RTKN: variants seen among roughly 807,000 people sequenced by gnomAD.
RTKN encodes the protein rhotekin.
RTKN carries 49 observed loss-of-function variants against 63.5 expected under a neutral mutation model. The observed-to-expected ratio is 0.77, with a 90% CI of 0.61 to 0.98. The LOEUF (loss-of-function observed/expected upper bound fraction) is 0.98. Among genes scored for constraint, RTKN ranks in the 50% least tolerant of loss-of-function variants. RTKN has a pLI of 0.00. For missense variants in RTKN, 685 were observed against 740.8 expected, an observed-to-expected ratio of 0.92 and a Z score of 0.87; for synonymous variants, 295 against 290.4, an observed-to-expected ratio of 1.02 and a Z score of -0.16.
chr2:74,429,971 C>A lies in RTKN; in HGVS notation c.612G>T (p.Gly204=). The change falls in exon 6 of 12, where the codon GGG becomes GGT. Residue 204 remains glycine (G), a synonymous_variant. Coordinates refer to ENST00000272430, the MANE Select transcript of RTKN (RefSeq NM_001015055.2). ...ELYGACVEEE[G]ALTGGPKRLA... ...GCCTCTTGGGGCCGCCAGTCAGGGC[C>A]CCCTCTTCTTCCACACAGGCCCCAT... 2 of 1,614,236 alleles carry A rather than the reference C, an allele frequency of 1.2e-6. No homozygotes were observed. Among genetic ancestry groups the A allele is most frequent in the Non-Finnish European group, 1.7e-6 (2 of 1,180,028 alleles).
Position 74,426,583 on chromosome 2 carries a change from C to A in RTKN, c.1361-9G>T. 6.6e-7 allele frequency: 1 copy of A among 1,522,720 alleles called. No individual in the cohort carries two copies. The highest frequency in any genetic ancestry group is 1.3e-5 in the South Asian group (1 of 77,020). The allele number at this position is 1,522,720 out of a possible 1,614,324, so 94.3% of individuals were successfully genotyped here. A position where few individuals can be genotyped will look rare whatever the true frequency, so the allele number is the denominator to read the frequency against. On this transcript the variant is annotated splice_polypyrimidine_tract_variant and intron_variant, in intron 11 of 11. Coordinates refer to ENST00000272430, the MANE Select transcript of RTKN (RefSeq NM_001015055.2). The stretch of plus-strand genomic sequence containing the variant: ...ATCCAGCGGCTCAATAGCTGTGGCA[C>A]CAGGAAGGGGTTGGGGGAGGGTTGG...
intron 1 of RTKN, among the ~76,000 whole-genome samples, chr2:74,439,123 A>G (rs1169174355): frequency 6.6e-6 from 1 of 152,192 alleles, no homozygotes; most frequent in East Asian, 1.9e-4. Context: ...AAGAATTGAA[A>G]AAAACAAATA....
chr2:74,437,667 G>C (rs1050876874), intron 1 of RTKN, among the ~76,000 whole-genome samples: 11 of 152,162 alleles, frequency 7.2e-5, no homozygotes, highest in Admixed American at 6.5e-4. Flanking sequence ...TTAATGTTTT[G>C]TTTTATTTTA....
intron 5 of RTKN, 35 bp downstream of exon 5, chr2:74,430,217 G>A (rs1158616460): frequency 1.9e-6 from 3 of 1,582,864 alleles, no homozygotes; most frequent in East Asian, 2.2e-5. Context: ...GGAGCAGAGT[G>A]GAGGAAGGAG....
At chr2:74,434,787 G>A (rs1012520716) in intron 1 of RTKN, among the ~76,000 whole-genome samples, 1 of 152,080 alleles carries the variant, frequency 6.6e-6, no homozygotes, top group African/African-American at 2.4e-5. Flanking sequence ...GATCTTTGGA[G>A]TTTAAAAAAA....
rs1196664925 is a variant in RTKN at position 74,428,890 on chromosome 2, G to A, written c.808C>T (p.Gln270Ter). 6.2e-7 allele frequency: 1 copy of A among 1,614,164 alleles called. No individual in the cohort carries two copies. The highest frequency in any genetic ancestry group is 1.3e-5 in the African/African-American group (1 of 75,012). Reference sequence around the variant, plus strand: ...AGGTCATGTGTGCGGAATCCATCTTGCACTGCTGCCAGGGTGAGTGTGGTG... The same window carrying A: ...AGGTCATGTGTGCGGAATCCATCTTACACTGCTGCCAGGGTGAGTGTGGTG... ...AHTTLTLAAV[Q>*]DGFRTHDLTL... Residue 270 changes from glutamine to a stop codon, truncating the protein, a stop_gained, in exon 7 of 12, where the codon CAA (glutamine) becomes TAA (stop). Transcript: ENST00000272430. LOFTEE classifies it high-confidence loss of function.
At chr2:74,428,185 G>T in intron 9 of RTKN, 83 bp downstream of exon 9, 2 of 1,586,222 alleles carry the variant, frequency 1.3e-6, no homozygotes, top group Non-Finnish European at 1.7e-6. Flanking sequence ...TCTCTCTGAG[G>T]TATGTGCCCA....
intron 7 of RTKN, 53 bp downstream of exon 7, chr2:74,428,795 G>A: frequency 6.2e-7 from 1 of 1,602,048 alleles, no homozygotes; most frequent in Non-Finnish European, 8.5e-7. Context: ...CCATCCCACA[G>A]CCCCTCTTCT....
In RTKN at chr2:74,432,471, G is replaced by C; in HGVS notation, c.307C>G (p.Arg103Gly). 1 of 1,608,854 alleles carries C rather than the reference G, an allele frequency of 6.2e-7. No homozygotes were observed. Among genetic ancestry groups the C allele is most frequent in the Non-Finnish European group, 8.5e-7 (1 of 1,179,900 alleles). ...CCTCGTCTCCCCCTTGCTCACCGCCGGCTTGTCTTCCCCAGCACCTGCGCC... is the reference window on the plus strand; with the variant it reads ...CCTCGTCTCCCCCTTGCTCACCGCCCGCTTGTCTTCCCCAGCACCTGCGCC... ...KEAQVLGKTS[R>G]RPSDSGPPAE... is the part of the protein sequence containing the mutation. The change falls in exon 2 of 12, where the codon CGG becomes GGG. Residue 103 changes from arginine (R) to glycine (G), a missense_variant. Transcript: ENST00000272430.
chr2:74,430,893 A>T, intron 2 of RTKN: 1 of 573,992 alleles, frequency 1.7e-6, no homozygotes, highest in Non-Finnish European at 3.1e-6. Context: ...AGCCACATTA[A>T]CTCACACATA....
At chr2:74,432,395 A>G in intron 2 of RTKN, 72 bp downstream of exon 2, 1 of 1,387,866 alleles carries the variant, frequency 7.2e-7, no homozygotes, top group Non-Finnish European at 1.0e-6. Flanking sequence ...CATGCCACAC[A>G]CGCACATGCT....
chr2:74,427,921 G>C, intron 9 of RTKN: 1 of 486,888 alleles, frequency 2.1e-6, no homozygotes. Context: ...AAGGGATAGG[G>C]AGCAAAGAAG....
rs371923829 is a variant in RTKN, at chr2:74,430,668, G to A, written c.321C>T (p.Asp107=). 3 of 1,612,454 alleles carry A rather than the reference G, an allele frequency of 1.9e-6. No individual in the cohort carries two copies. In the East Asian group the frequency reaches 6.7e-5, roughly 36 times the overall value. The change falls in exon 3 of 12, where the codon GAC becomes GAT. Residue 107 remains aspartate, a synonymous_variant. Coordinates refer to ENST00000272430, the MANE Select transcript of RTKN (RefSeq NM_001015055.2). ...GGGAGCGCTCAGCGGGCGGGCCACT[G>A]TCAGAAGGCCTGTGGATAAATCACA... is the stretch of plus-strand genomic sequence containing the variant. The part of the protein sequence containing the change: ...VLGKTSRRPS[D]SGPPAERSPC...
In RTKN at chr2:74,426,572, T is replaced by C. The variant is rs757566412; in HGVS notation, c.1363A>G (p.Ile455Val). 1.6e-5 allele frequency: 24 copies of C among 1,525,074 alleles called. No individual in the cohort carries two copies. The Admixed American group carries it at 3.9e-4, about 25-fold the overall frequency. The allele number at this position is 1,525,074 out of a possible 1,614,324, so 94.5% of individuals were successfully genotyped here. ...GCTGCGATGTCATCCAGCGGCTCAA[T>C]AGCTGTGGCACCAGGAAGGGGTTGG... The part of the protein sequence containing the change: ...KQGSLYHEMA[I>V]EPLDDIAAVT... Residue 455 changes from isoleucine to valine, a missense_variant and splice_region_variant, in exon 12 of 12, where the codon ATT (isoleucine) becomes GTT (valine). Coordinates refer to ENST00000272430, the MANE Select transcript of RTKN (RefSeq NM_001015055.2).
rs1297877448 is a variant in RTKN at position 74,430,529 on chromosome 2, G to A, written c.374-11C>T. On this transcript the variant is annotated splice_polypyrimidine_tract_variant and intron_variant, in intron 3 of 11. Transcript: ENST00000272430. Reference sequence around the variant, plus strand: ...GTGGAATCCGGAGGTCTAAGGGGCAGAGGGGTAAGAATAGATGTTGAGATG... The same window carrying A: ...GTGGAATCCGGAGGTCTAAGGGGCAAAGGGGTAAGAATAGATGTTGAGATG... 1 of 1,614,052 alleles carries A rather than the reference G, an allele frequency of 6.2e-7. No individual in the cohort carries two copies. The highest frequency in any genetic ancestry group is 1.3e-5 in the African/African-American group (1 of 74,936).
chr2:74,427,432 A>G lies in RTKN; in HGVS notation c.1247T>C (p.Phe416Ser). Residue 416 changes from phenylalanine (F) to serine (S), a missense_variant, in exon 10 of 12, where the codon TTT becomes TCT. Transcript: ENST00000272430. The stretch of plus-strand genomic sequence containing the variant: ...GCCCCCTTCTCTCTTACTCATGTCA[A>G]AGAAAAGCTGCCACAGAGCCTCCAT... Reference protein sequence around the residue: ...SWMEALWQLFFDMSQWKQCCD... With the variant: ...SWMEALWQLFSDMSQWKQCCD... 6.2e-7 allele frequency: 1 copy of G among 1,614,136 alleles called. No individual in the cohort carries two copies. Among genetic ancestry groups the G allele is most frequent in the Non-Finnish European group, 8.5e-7 (1 of 1,180,014 alleles).
rs1166515327 is a variant in RTKN, at chr2:74,436,343, C to A, written c.112-3677G>T. Among the ~76,000 whole-genome samples, 1 of 152,228 alleles carries A rather than the reference C, an allele frequency of 6.6e-6. No individual in the cohort carries two copies. Among genetic ancestry groups the A allele is most frequent in the Non-Finnish European group, 1.5e-5 (1 of 68,032 alleles). On this transcript the variant is annotated intron_variant, in intron 1 of 11. Coordinates refer to ENST00000272430, the MANE Select transcript of RTKN (RefSeq NM_001015055.2). The surrounding 1 kb of genome is among the most constrained non-coding windows in gnomAD (Gnocchi z 4.3). ...ATAGCTGCACCGCCTCCAGCTGCAG[C>A]GCTCAGGACGCCGGTGACATCAGCT... is the stretch of plus-strand genomic sequence containing the variant.
At position 74,426,307 on chromosome 2, in the gene RTKN, G is replaced by A. The variant is rs1469726695; in HGVS notation, c.1628C>T (p.Ser543Phe). ...GCTGCAGAGGCCTCTGGTCCGTGGG[G>A]ATCGCTGAGGTGGGAGGGGGGCAAC... ...RSVAPLPPQR[S>F]PRTRGLCSKG... is the part of the protein sequence containing the mutation. Residue 543 changes from serine (S) to phenylalanine (F), a missense_variant, in exon 12 of 12, where the codon TCC (serine) becomes TTC (phenylalanine). Physicochemically the swap from Ser to Phe is radical, Grantham distance 155 (BLOSUM62 -2). Transcript: ENST00000272430. 1.9e-6 allele frequency: 3 copies of A among 1,613,906 alleles called. No individual in the cohort carries two copies. The highest frequency in any genetic ancestry group is 2.5e-6 in the Non-Finnish European group (3 of 1,179,966).
intron 2 of RTKN, chr2:74,430,974 G>C (rs1008200967): frequency 2.4e-6 from 1 of 410,158 alleles, no homozygotes; most frequent in Non-Finnish European, 4.4e-6. Context: ...GCCAAGGACA[G>C]GTGCAGCCTT....
Sources: gnomAD v4.1 joint callset for allele counts (sites outside exome capture counted in the v4.1 genomes callset) on GRCh38, gnomAD v4.1.1 for gene constraint, Gnocchi (gnomAD v3.1) non-coding constraint, MANE v1.5 for transcripts, NCBI Gene and HGNC (gene_info 2026-07-23, HGNC 2026-07-21) for gene names.